The following DSCAM variants were observed in gnomAD, a reference collection of about 807,000 sequenced individuals.
DSCAM encodes the protein DS cell adhesion molecule, also known as cell adhesion molecule DSCAM.
DSCAM carries 47 observed loss-of-function variants against 217.7 expected under a neutral mutation model. The ratio of observed to expected loss-of-function variants is 0.22; its 90% CI spans 0.17 to 0.28. The LOEUF is 0.28. Among genes scored for constraint, DSCAM ranks in the 10% least tolerant of loss-of-function variants. DSCAM has a pLI of 1.00. For synonymous variants in DSCAM, 1,056 were observed against 1,015.3 expected (o/e 1.04, Z -0.76); for missense variants, 2,080 against 2,618.3 (o/e 0.79, Z 4.49).
intron 3 of DSCAM, among the ~76,000 whole-genome samples, chr21:40,547,041 G>T (rs950442439): frequency 9.2e-5 from 14 of 152,202 alleles, no homozygotes; most frequent in Admixed American, 1.3e-4. Context: ...ATAACATCAA[G>T]CAGAGCAACT....
At chr21:40,126,098 A>G (rs2090090438) in intron 19 of DSCAM, among the ~76,000 whole-genome samples, 1 of 152,222 alleles carries the variant, frequency 6.6e-6, no homozygotes, top group African/African-American at 2.4e-5. Flanking sequence ...ACGTAAACCA[A>G]TGAAATTCAA....
At chr21:40,625,902 A>G (rs1422045172) in intron 3 of DSCAM, among the ~76,000 whole-genome samples, 2 of 152,098 alleles carry the variant, frequency 1.3e-5, no homozygotes, top group Non-Finnish European at 2.9e-5. Flanking sequence ...GAAATGGGAA[A>G]CCCTATTCAC....
chr21:40,395,642 A>G (rs185506537), intron 3 of DSCAM, among the ~76,000 whole-genome samples: 1 of 152,160 alleles, frequency 6.6e-6, no homozygotes, highest in Non-Finnish European at 1.5e-5. Context: ...AGACCTTGCT[A>G]TTGGTTTTGT....
intron 3 of DSCAM, among the ~76,000 whole-genome samples, chr21:40,578,489 A>G (rs1302268064): frequency 1.3e-5 from 2 of 151,872 alleles, no homozygotes; most frequent in African/African-American, 4.8e-5. Context: ...AGCACTCTGT[A>G]AAATGGACCA....
intron 3 of DSCAM, among the ~76,000 whole-genome samples, chr21:40,526,306 G>A (rs778144666): frequency 6.6e-6 from 1 of 152,260 alleles, no homozygotes; most frequent in Admixed American, 6.5e-5. Flanking sequence ...AGAGGAGAAG[G>A]TGGGAATATT....
At chr21:40,136,800 C>T (rs2090213987) in intron 18 of DSCAM, among the ~76,000 whole-genome samples, 3 of 152,102 alleles carry the variant, frequency 2.0e-5, no homozygotes, top group Non-Finnish European at 4.4e-5. Context: ...CAGAATGCAA[C>T]TCTTGAATCA....
chr21:40,817,953 G>A (rs571388127), intron 1 of DSCAM, among the ~76,000 whole-genome samples: 3,304 of 150,852 alleles, frequency 0.022, 118 homozygotes, highest in African/African-American at 0.076. Flanking sequence ...AAAATTAGCC[G>A]GGCGCGGTGG....
rs1250946117 is a variant in DSCAM at position 40,078,995 on chromosome 21, T to C, written c.4421-18A>G. The C allele has an allele frequency of 1.9e-6, 3 of 1,610,548 alleles. No individual in the cohort carries two copies. Among genetic ancestry groups the C allele is most frequent in the Non-Finnish European group, 1.7e-6 (2 of 1,178,112 alleles). On this transcript the variant is annotated intron_variant, in intron 25 of 32. Coordinates refer to ENST00000400454, the MANE Select transcript of DSCAM (RefSeq NM_001389.5). Reference sequence around the variant, plus strand: ...CTGGGGCTCTGGGGGAGAAGGCACATGGAGGTCAGCTCACAGGACACATGG... The same window carrying C: ...CTGGGGCTCTGGGGGAGAAGGCACACGGAGGTCAGCTCACAGGACACATGG...
At chr21:40,829,497 G>A (rs1178559077) in intron 1 of DSCAM, among the ~76,000 whole-genome samples, 4 of 152,196 alleles carry the variant, frequency 2.6e-5, no homozygotes, top group Non-Finnish European at 4.4e-5. Flanking sequence ...TGATGCAATG[G>A]CAGATAGGCT....
At position 40,506,239 on chromosome 21, in the gene DSCAM, T is replaced by C. The variant is rs1005864949; in HGVS notation, c.509-136994A>G. Among the ~76,000 whole-genome samples, 3 of 152,322 alleles carry C rather than the reference T, an allele frequency of 2.0e-5. 1 individual carries two copies. The South Asian group carries it at 6.2e-4, about 32-fold the overall frequency. On this transcript the variant is annotated intron_variant, in intron 3 of 32. Transcript: ENST00000400454. ...AAGCCCATGCACGAGGGGACAGTAA[T>C]GACACTCATCCCACCTGATTTTGAG...
At chr21:40,237,967 T>C (rs1196190902) in intron 11 of DSCAM, among the ~76,000 whole-genome samples, 4 of 152,176 alleles carry the variant, frequency 2.6e-5, no homozygotes, top group African/African-American at 9.7e-5. Flanking sequence ...TGTAAAGTAA[T>C]ACATTCACAG....
chr21:40,442,512 TTTTTG>T (rs891079212), intron 3 of DSCAM, among the ~76,000 whole-genome samples: 9 of 84,496 alleles, frequency 1.1e-4, no homozygotes, highest in African/African-American at 1.5e-4. Flanking sequence ...CCTAATTTTT[TTTTTG>T]TTTTTTTTTT....
chr21:40,248,586 C>T (rs2073259250), intron 11 of DSCAM, among the ~76,000 whole-genome samples: 1 of 152,180 alleles, frequency 6.6e-6, no homozygotes, highest in Non-Finnish European at 1.5e-5. Flanking sequence ...CGTTATTGTC[C>T]ATATCACTAT....
At chr21:40,469,908 G>C (rs895365592) in intron 3 of DSCAM, among the ~76,000 whole-genome samples, 5 of 152,160 alleles carry the variant, frequency 3.3e-5, no homozygotes, top group African/African-American at 1.2e-4. Context: ...CCATGGAAAA[G>C]TGCTGTAATA....
At chr21:40,806,620 T>A (rs9647188) in intron 1 of DSCAM, among the ~76,000 whole-genome samples, 68,427 of 152,084 alleles carry the variant, frequency 0.45, 17,297 homozygotes, top group South Asian at 0.66. Flanking sequence ...TCAAGGGCTG[T>A]GTTTCTATTA....
intron 3 of DSCAM, among the ~76,000 whole-genome samples, chr21:40,515,164 A>C (rs531570224): frequency 6.6e-6 from 1 of 152,346 alleles, no homozygotes; most frequent in Non-Finnish European, 1.5e-5. Context: ...ATTTTCAAAA[A>C]GACTGCGAAT....
In DSCAM at chr21:40,133,883, T is replaced by C; in HGVS notation, c.3533A>G (p.Glu1178Gly). Residue 1178 changes from glutamate (E) to glycine (G), a missense_variant, in exon 19 of 33, where the codon GAG (glutamate) becomes GGG (glycine). Glu to Gly is a moderately conservative substitution (Grantham distance 98). Transcript: ENST00000400454. ...CTCTTTGGTCCGGGTGAAGATCTGC[T>C]CACTCCTGACCCCGTCTCCTGCGCG... ...FTRAGDGVRS[E>G]QIFTRTKEDV... 1 of 1,612,132 alleles carries C rather than the reference T, an allele frequency of 6.2e-7. No homozygotes were observed. The highest frequency in any genetic ancestry group is 1.3e-5 in the African/African-American group (1 of 74,864).
intron 15 of DSCAM, among the ~76,000 whole-genome samples, chr21:40,174,126 C>T (rs2837479): frequency 0.32 from 49,140 of 151,902 alleles, 8,036 homozygotes; most frequent in Non-Finnish European, 0.34. Flanking sequence ...TCATTAACTC[C>T]GACTGTGTCA....
Position 40,612,839 on chromosome 21 carries a change from A to G in DSCAM, c.508+79971T>C, listed in dbSNP as rs575571281. Among the ~76,000 whole-genome samples, 19 of 152,238 alleles carry G rather than the reference A, an allele frequency of 1.2e-4. No individual in the cohort carries two copies. The South Asian group carries it at 3.9e-3, about 32-fold the overall frequency. On this transcript the variant is annotated intron_variant, in intron 3 of 32. Transcript: ENST00000400454. The stretch of plus-strand genomic sequence containing the variant: ...CTGAGTGAAGACACACTGAGAGGTC[A>G]CCCTGAAAACCCTCCCTGTCTTGGT...
Sources: gnomAD v4.1 joint callset for allele counts (sites outside exome capture counted in the v4.1 genomes callset) on GRCh38, gnomAD v4.1.1 for gene constraint, MANE v1.5 for transcripts, NCBI Gene and HGNC (gene_info 2026-07-23, HGNC 2026-07-21) for gene names.